The following SYNCRIP variants were observed in gnomAD, a reference collection of about 807,000 sequenced individuals.
SYNCRIP encodes the protein synaptotagmin binding cytoplasmic RNA interacting protein.
A neutral mutation model predicts 68.9 loss-of-function variants in SYNCRIP; 9 were observed. That is an observed-to-expected ratio of 0.13 (90% CI 0.08 to 0.23). The LOEUF (loss-of-function observed/expected upper bound fraction) is 0.23. Ranked by LOEUF, SYNCRIP falls within the 10% of genes least tolerant of loss-of-function variation. The pLI, the probability that SYNCRIP is intolerant of heterozygous loss-of-function variation, is 1.00. For synonymous variants in SYNCRIP, 258 were observed against 254.0 expected (o/e 1.02, Z -0.15); for missense variants, 414 against 770.6 (o/e 0.54, Z 5.48).
intron 4 of SYNCRIP, among the ~76,000 whole-genome samples, chr6:85,638,250 G>A (rs993884419): frequency 6.6e-6 from 1 of 152,028 alleles, no homozygotes; most frequent in East Asian, 1.9e-4. Flanking sequence ...GCACGCGCCT[G>A]TAATGCCAGC....
At chr6:85,608,669 G>C (rs1805008883) in exon 12 of SYNCRIP, 1 of 151,906 alleles carries the variant, frequency 6.6e-6, no homozygotes, top group South Asian at 2.1e-4. Context: ...TACTAGTCAG[G>C]TACAAGCTTT....
intron 4 of SYNCRIP, 56 bp downstream of exon 4, chr6:85,640,165 A>C (rs577815296): frequency 8.0e-7 from 1 of 1,249,456 alleles, no homozygotes; most frequent in African/African-American, 1.5e-5. Flanking sequence ...ATATTTACCA[A>C]AATTAGGAAA....
chr6:85,620,930 G>A (rs1212203314), intron 8 of SYNCRIP, among the ~76,000 whole-genome samples: 1 of 152,214 alleles, frequency 6.6e-6, no homozygotes, highest in African/African-American at 2.4e-5. Context: ...GTTATTGAAT[G>A]TTTAACACTT....
At chr6:85,640,976 A>G (rs1447413553) in intron 2 of SYNCRIP, among the ~76,000 whole-genome samples, 1 of 151,900 alleles carries the variant, frequency 6.6e-6, no homozygotes, top group Non-Finnish European at 1.5e-5. Context: ...TTACCAAGTT[A>G]TTTAAGAAGA....
chr6:85,627,458 T>C (rs1807191127), intron 6 of SYNCRIP, among the ~76,000 whole-genome samples: 1 of 152,130 alleles, frequency 6.6e-6, no homozygotes, highest in Admixed American at 6.5e-5. Flanking sequence ...CGCATGCTTT[T>C]TTTGTACGTG....
At chr6:85,616,639 C>T (rs748661696) in intron 10 of SYNCRIP, among the ~76,000 whole-genome samples, 1 of 152,154 alleles carries the variant, frequency 6.6e-6, no homozygotes, top group Non-Finnish European at 1.5e-5. Context: ...TGAGCCACCA[C>T]GCCCGGCCTT....
At chr6:85,629,297 T>C (rs1807425892) in intron 6 of SYNCRIP, among the ~76,000 whole-genome samples, 1 of 152,142 alleles carries the variant, frequency 6.6e-6, no homozygotes, top group African/African-American at 2.4e-5. Context: ...TGGATTCCAC[T>C]GTAACAGTAG....
At chr6:85,616,819 T>C (rs1805829232) in intron 10 of SYNCRIP, among the ~76,000 whole-genome samples, 1 of 152,114 alleles carries the variant, frequency 6.6e-6, no homozygotes, top group South Asian at 2.1e-4. Flanking sequence ...CAGGGATAAT[T>C]TTGCCACCAC....
In SYNCRIP at chr6:85,627,943, A is replaced by C. The variant is rs1484433819; in HGVS notation, c.667-3831T>G. 2.0e-5 allele frequency among the ~76,000 whole-genome samples: 3 copies of C among 152,324 alleles called. No homozygotes were observed. The South Asian group carries it at 6.2e-4, about 32-fold the overall frequency. On this transcript the variant is annotated intron_variant, in intron 6 of 10. Coordinates refer to ENST00000369622, the MANE Select transcript of SYNCRIP (RefSeq NM_006372.5). ...TTTAAGTCCTTCCCTCATAGTCACC[A>C]AATTCCCAGAAATTCAGCAATGTCA... is the stretch of plus-strand genomic sequence containing the variant.
chr6:85,623,561 C>CCCAAAAAAAAAAA lies in SYNCRIP; in HGVS notation c.802+415_802+416insTTTTTTTTTTTGG, dbSNP rs1211677646. 1.7e-3 allele frequency among the ~76,000 whole-genome samples: 18 copies of CCCAAAAAAAAAAA among 10,780 alleles called. No individual in the cohort carries two copies. In the East Asian group the frequency reaches 0.076, roughly 45 times the overall value. The allele number at this position is 10,780 out of a possible 152,430, so 7.1% of individuals were successfully genotyped here. ...CCTGGGCAACAAAGCAAGACTGTCT[C>CCCAAAAAAAAAAA]CAAAAAAAAAAAAAAAAAAAAACAC... On this transcript the variant is annotated intron_variant, in intron 7 of 10. Transcript: ENST00000369622.
Position 85,614,529 on chromosome 6 carries a change from T to C in SYNCRIP, c.*227A>G. 1 of 1,245,438 alleles carries C rather than the reference T, an allele frequency of 8.0e-7. No individual in the cohort carries two copies. The highest frequency in any genetic ancestry group is 3.1e-4 in the Middle Eastern group (1 of 3,232). 77.1% of individuals were successfully genotyped at this position (1,245,438 alleles called of 1,614,324 possible). On this transcript the variant is annotated 3_prime_UTR_variant, in exon 11 of 11. Coordinates refer to ENST00000369622, the MANE Select transcript of SYNCRIP (RefSeq NM_006372.5). ...AGCACAAATGCAAACTCATTAACTA[T>C]TTCTTTCAGTATCTAAGAATATCTT...
At chr6:85,631,092 C>T (rs967895411) in intron 6 of SYNCRIP, among the ~76,000 whole-genome samples, 2 of 152,126 alleles carry the variant, frequency 1.3e-5, no homozygotes, top group African/African-American at 4.8e-5. Context: ...CCTGTAATCC[C>T]AGTACTTTGG....
At chr6:85,633,555 C>T (rs1808080107) in intron 6 of SYNCRIP, among the ~76,000 whole-genome samples, 1 of 152,142 alleles carries the variant, frequency 6.6e-6, no homozygotes, top group South Asian at 2.1e-4. Context: ...CACACCACTG[C>T]ACCCCAGCCT....
chr6:85,641,509 T>C, intron 1 of SYNCRIP, 58 bp from the exon 2 acceptor site: 1 of 1,517,038 alleles, frequency 6.6e-7, no homozygotes, highest in Admixed American at 1.9e-5. Context: ...TACAAGACAA[T>C]ATGAGAGCCC....
At chr6:85,636,908 A>G in intron 6 of SYNCRIP, 59 bp downstream of exon 6, 1 of 1,508,856 alleles carries the variant, frequency 6.6e-7, no homozygotes, top group Non-Finnish European at 8.9e-7. Context: ...CACTAAGAAA[A>G]AAACTTGATA....
chr6:85,618,356 C>A (rs543143222), intron 10 of SYNCRIP, among the ~76,000 whole-genome samples: 2 of 151,586 alleles, frequency 1.3e-5, no homozygotes, highest in South Asian at 4.2e-4. Context: ...ACCTGGCCAA[C>A]ATGACGAAAC....
At chr6:85,636,599 G>C (rs1428320424) in intron 6 of SYNCRIP, among the ~76,000 whole-genome samples, 2 of 152,210 alleles carry the variant, frequency 1.3e-5, no homozygotes, top group East Asian at 3.9e-4. Flanking sequence ...TGTCTTTTGT[G>C]AATTATTTAA....
intron 8 of SYNCRIP, among the ~76,000 whole-genome samples, chr6:85,621,625 A>T (rs1033777339): frequency 2.6e-5 from 4 of 151,066 alleles, no homozygotes; most frequent in Non-Finnish European, 5.9e-5. Context: ...AAAAAAAAAA[A>T]AGAGAACAAA....
At position 85,640,376 on chromosome 6, in the gene SYNCRIP, C is replaced by T. The variant is rs763881221; in HGVS notation, c.268-48G>A. On this transcript the variant is annotated intron_variant, in intron 3 of 10. Coordinates refer to ENST00000369622, the MANE Select transcript of SYNCRIP (RefSeq NM_006372.5). Reference sequence around the variant, plus strand: ...TATTTAACAATAACCATATCTGAGTCTAATAAAATTCAGCAGATAGTATCA... The same window carrying T: ...TATTTAACAATAACCATATCTGAGTTTAATAAAATTCAGCAGATAGTATCA... 4 of 1,587,476 alleles carry T rather than the reference C, an allele frequency of 2.5e-6. No individual in the cohort carries two copies. The African/African-American group carries it at 5.4e-5, about 21-fold the overall frequency.
Sources: gnomAD v4.1 joint callset for allele counts (sites outside exome capture counted in the v4.1 genomes callset) on GRCh38, gnomAD v4.1.1 for gene constraint, MANE v1.5 for transcripts, NCBI Gene and HGNC (gene_info 2026-07-23, HGNC 2026-07-21) for gene names.